Variants in BLM observed in about 807,000 individuals in gnomAD.
BLM encodes the protein BLM RecQ like helicase, also known as recQ-like DNA helicase BLM.
Under a neutral mutation model 135.3 loss-of-function variants are expected in BLM, and 95 were observed. The observed-to-expected ratio is 0.70, with a 90% CI of 0.59 to 0.83. BLM has a LOEUF of 0.83. Ranked by LOEUF, BLM falls within the 40% of genes least tolerant of loss-of-function variation. The pLI is 0.00. For synonymous variants in BLM, 520 were observed against 589.2 expected, an observed-to-expected ratio of 0.88 and a Z score of 1.70; for missense variants, 1,518 against 1,663.9, an observed-to-expected ratio of 0.91 and a Z score of 1.53.
rs28385156 is a variant in BLM, at chr15:90,810,699, G to A, written c.3875-506G>A. Among the ~76,000 whole-genome samples, 1,167 of 152,302 alleles carry A rather than the reference G, an allele frequency of 7.7e-3. 15 individuals are homozygous for A. The highest frequency in any genetic ancestry group is 0.027 in the African/African-American group (1,105 of 41,556). On this transcript the variant is annotated intron_variant, in intron 20 of 21. Coordinates refer to ENST00000355112, the MANE Select transcript of BLM (RefSeq NM_000057.4). Reference sequence around the variant, plus strand: ...TGTGCAAAGACAAGTTTTTTTGTCTGTAAAGAGTAAAATAGGATCTAGAAT... The same window carrying A: ...TGTGCAAAGACAAGTTTTTTTGTCTATAAAGAGTAAAATAGGATCTAGAAT...
chr15:90,788,802 A>T (rs1217019392), intron 14 of BLM, among the ~76,000 whole-genome samples: 2 of 151,708 alleles, frequency 1.3e-5, no homozygotes, highest in African/African-American at 2.4e-5. Context: ...GCGAAACCCC[A>T]TCTCTACAAA....
intron 17 of BLM, among the ~76,000 whole-genome samples, chr15:90,802,118 A>C (rs16944840): frequency 0.085 from 13,007 of 152,208 alleles, 892 homozygotes; most frequent in African/African-American, 0.19. Context: ...AGGTTGGTCC[A>C]TACCATTCAG....
At chr15:90,798,145 T>C in intron 16 of BLM, 45 bp from the exon 17 acceptor site, 2 of 1,526,792 alleles carry the variant, frequency 1.3e-6, no homozygotes, top group Non-Finnish European at 1.8e-6. Flanking sequence ...AATCTAGGCA[T>C]TGTTACCTTA....
intron 16 of BLM, 87 bp downstream of exon 16, chr15:90,794,444 T>G (rs979198063): frequency 2.7e-5 from 30 of 1,122,868 alleles, no homozygotes; most frequent in Middle Eastern, 6.0e-4. Flanking sequence ...TTGCAAAAGG[T>G]GGTCTCCGAC....
At position 90,793,995 on chromosome 15, in the gene BLM, A is replaced by T. The variant is rs1308858087; in HGVS notation, c.3020-172A>T. 3 of 435,672 alleles carry T rather than the reference A, an allele frequency of 6.9e-6. No homozygotes were observed. In the Admixed American group the frequency reaches 1.2e-4, roughly 18 times the overall value. 27.0% of individuals were successfully genotyped at this position (435,672 alleles called of 1,614,324 possible). On this transcript the variant is annotated intron_variant, in intron 15 of 21. Transcript: ENST00000355112. Reference sequence around the variant, plus strand: ...TTCCTATAGTACTAAAATCTTGAGGATGAACATTAATACTCAGTTAATTAT... The same window carrying T: ...TTCCTATAGTACTAAAATCTTGAGGTTGAACATTAATACTCAGTTAATTAT...
Position 90,749,660 on chromosome 15 carries a change from C to T in BLM, c.392C>T (p.Ser131Phe). The T allele has an allele frequency of 6.2e-7, 1 of 1,614,122 alleles. No homozygotes were observed. Among genetic ancestry groups the T allele is most frequent in the Non-Finnish European group, 8.5e-7 (1 of 1,180,014 alleles). ...TTQNTPTVKK[S>F]RDTALKKLEF... ...CAAAACACACCAACTGTAAAGAAAT[C>T]CCGGGATACTGCTCTCAAGAAATTA... Residue 131 changes from serine to phenylalanine, a missense_variant, in exon 3 of 22, where the codon TCC (serine) becomes TTC (phenylalanine). Around this residue, in one of 5 missense-constraint regions of BLM, gnomAD observed 724 missense variants for 756.9 expected, o/e 0.96. Transcript: ENST00000355112.
chr15:90,812,858 C>T (rs767828451), intron 21 of BLM, among the ~76,000 whole-genome samples: 1 of 152,140 alleles, frequency 6.6e-6, no homozygotes, highest in Non-Finnish European at 1.5e-5. Context: ...CATTAGAAAA[C>T]GTTAGTTTAA....
chr15:90,810,071 C>T (rs923128319), intron 20 of BLM, among the ~76,000 whole-genome samples: 7 of 120,878 alleles, frequency 5.8e-5, no homozygotes, highest in East Asian at 2.9e-4. Flanking sequence ...TTTACCTAGT[C>T]GCTTTTTTTT....
At chr15:90,770,240 C>G (rs1426297562) in intron 12 of BLM, among the ~76,000 whole-genome samples, 1 of 135,072 alleles carries the variant, frequency 7.4e-6, no homozygotes, top group African/African-American at 2.8e-5. Flanking sequence ...GTGGCCTGAT[C>G]TCGGCTCACT....
intron 12 of BLM, among the ~76,000 whole-genome samples, chr15:90,773,105 A>G (rs1417246297): frequency 1.3e-5 from 2 of 148,360 alleles, no homozygotes; most frequent in Non-Finnish European, 3.0e-5. Context: ...CAAAAAAAAA[A>G]AAAAAAAAAA....
At chr15:90,747,912 A>G (rs968443491) in intron 2 of BLM, among the ~76,000 whole-genome samples, 16 of 151,986 alleles carry the variant, frequency 1.1e-4, no homozygotes, top group Non-Finnish European at 2.1e-4. Flanking sequence ...GGTTCACGCC[A>G]TTCTCCTGCC....
intron 1 of BLM, among the ~76,000 whole-genome samples, chr15:90,730,786 G>A (rs950215142): frequency 6.6e-6 from 1 of 152,098 alleles, no homozygotes; most frequent in African/African-American, 2.4e-5. Flanking sequence ...ACTGTGAATG[G>A]ATGTTTGATT....
intron 7 of BLM, 28 bp downstream of exon 7, chr15:90,761,283 T>C: frequency 7.0e-7 from 1 of 1,431,748 alleles, no homozygotes. Context: ...TGAATGCTTA[T>C]ATGAAAACAA....
intron 21 of BLM, among the ~76,000 whole-genome samples, chr15:90,812,594 A>C (rs958922341): frequency 6.6e-6 from 1 of 152,230 alleles, no homozygotes; most frequent in African/African-American, 2.4e-5. Flanking sequence ...ACTTGACCCC[A>C]AAGTAACTGT....
intron 5 of BLM, among the ~76,000 whole-genome samples, chr15:90,758,128 C>T (rs1352727349): frequency 6.6e-6 from 1 of 151,974 alleles, no homozygotes; most frequent in Non-Finnish European, 1.5e-5. Context: ...GATCCTCCAG[C>T]CTCAGCCTTC....
At position 90,739,792 on chromosome 15, in the gene BLM, G is replaced by T. The variant is rs548661961; in HGVS notation, c.-4-7597G>T. Among the ~76,000 whole-genome samples the T allele has an allele frequency of 1.3e-3, 205 of 152,090 alleles. 1 individual carries two copies. The highest frequency in any genetic ancestry group is 4.8e-3 in the African/African-American group (199 of 41,492). ...TATTTGTTTATTTTTTTGAGACAGG[G>T]TCTTGCTCTGTTGCCCAGGTTAGAG... On this transcript the variant is annotated intron_variant, in intron 1 of 21. Coordinates refer to ENST00000355112, the MANE Select transcript of BLM (RefSeq NM_000057.4).
Position 90,804,191 on chromosome 15 carries a change from T to C in BLM, c.3583T>C (p.Ser1195Pro). 1 of 1,613,982 alleles carries C rather than the reference T, an allele frequency of 6.2e-7. No individual in the cohort carries two copies. Among genetic ancestry groups the C allele is most frequent in the East Asian group, 2.2e-5 (1 of 44,880 alleles). Residue 1195 changes from serine to proline, a missense_variant, in exon 19 of 22, where the codon TCC becomes CCC. Coordinates refer to ENST00000355112, the MANE Select transcript of BLM (RefSeq NM_000057.4). Reference protein sequence around the residue: ...LKVDFMETENSSSVKKQKALV... With the variant: ...LKVDFMETENPSSVKKQKALV... Reference sequence around the variant, plus strand: ...GGTAGACTTTATGGAAACAGAAAATTCCAGCAGTGTGAAAAAACAAAAAGC... The same window carrying C: ...GGTAGACTTTATGGAAACAGAAAATCCCAGCAGTGTGAAAAAACAAAAAGC...
intron 5 of BLM, among the ~76,000 whole-genome samples, chr15:90,756,589 T>C (rs1487873284): frequency 1.3e-5 from 2 of 152,226 alleles, no homozygotes; most frequent in Non-Finnish European, 2.9e-5. Context: ...TAAGTTTCAC[T>C]AATAAAATGG....
At chr15:90,802,476 T>C (rs1270864973) in intron 17 of BLM, among the ~76,000 whole-genome samples, 2 of 152,254 alleles carry the variant, frequency 1.3e-5, no homozygotes, top group African/African-American at 4.8e-5. Flanking sequence ...TACATATTCC[T>C]GTCTTCATCT....
Sources: gnomAD v4.1 joint callset for allele counts (sites outside exome capture counted in the v4.1 genomes callset) on GRCh38, gnomAD v4.1.1 for gene constraint, gnomAD v4.1.1 regional missense constraint, MANE v1.5 for transcripts, NCBI Gene and HGNC (gene_info 2026-07-23, HGNC 2026-07-21) for gene names.